MKLN1: variants seen among roughly 807,000 people sequenced by gnomAD.
MKLN1 encodes muskelin.
Under a neutral mutation model 99.0 loss-of-function variants are expected in MKLN1, and 18 were observed. That is an observed-to-expected ratio of 0.18 (90% CI 0.13 to 0.27). The LOEUF is 0.27. Among genes scored for constraint, MKLN1 ranks in the 10% least tolerant of loss-of-function variants. The pLI is 1.00. For synonymous variants in MKLN1, 288 were observed against 293.2 expected (o/e 0.98, Z 0.18); for missense variants, 621 against 875.9 (o/e 0.71, Z 3.67).
intron 2 of MKLN1, among the ~76,000 whole-genome samples, chr7:131,197,768 A>C (rs1479604270): frequency 2.0e-5 from 3 of 152,118 alleles, no homozygotes; most frequent in South Asian, 4.1e-4. Context: ...TAATAGTATA[A>C]CCACAATGCC....
chr7:131,377,814 C>T (rs879509086), intron 2 of MKLN1, among the ~76,000 whole-genome samples: 3 of 152,094 alleles, frequency 2.0e-5, no homozygotes, highest in Non-Finnish European at 2.9e-5. Context: ...TCTTGATGAG[C>T]GACGGGTATT....
chr7:131,126,928 G>A (rs1446243829), intron 1 of MKLN1, among the ~76,000 whole-genome samples: 2 of 152,140 alleles, frequency 1.3e-5, no homozygotes, highest in African/African-American at 2.4e-5. Context: ...CACTTTGGGA[G>A]GCTGAGGTGG....
At chr7:131,161,938 C>G (rs1796055974) in intron 2 of MKLN1, among the ~76,000 whole-genome samples, 1 of 136,684 alleles carries the variant, frequency 7.3e-6, no homozygotes. Flanking sequence ...TACATATATA[C>G]ACATATATAT....
At chr7:131,454,839 G>A (rs540188358) in intron 12 of MKLN1, among the ~76,000 whole-genome samples, 32 of 152,274 alleles carry the variant, frequency 2.1e-4, no homozygotes, top group African/African-American at 7.5e-4. Flanking sequence ...CTCTATATAA[G>A]GATGTGATGC....
intron 1 of MKLN1, 104 bp downstream of exon 1, chr7:131,328,101 C>T (rs2116682243): frequency 1.2e-5 from 17 of 1,399,794 alleles, no homozygotes; most frequent in East Asian, 2.5e-5. Flanking sequence ...CCAGGCGGGG[C>T]CTGCTGAGGG....
chr7:131,242,817 A>G, intron 3 of MKLN1: 1 of 664,890 alleles, frequency 1.5e-6, no homozygotes, highest in Non-Finnish European at 2.9e-6. Flanking sequence ...GAAAGTTTAT[A>G]ACCACAATCA....
intron 3 of MKLN1, among the ~76,000 whole-genome samples, chr7:131,217,327 A>G (rs1796997408): frequency 6.6e-6 from 1 of 152,266 alleles, no homozygotes; most frequent in African/African-American, 2.4e-5. Flanking sequence ...AAATGGGGAT[A>G]CAAAGATAAA....
intron 16 of MKLN1, among the ~76,000 whole-genome samples, chr7:131,472,903 G>A (rs113654391): frequency 0.071 from 10,369 of 146,558 alleles, 418 homozygotes; most frequent in African/African-American, 0.08. Flanking sequence ...AGCTGAGATC[G>A]TGCCACTGCA....
At position 131,340,817 on chromosome 7, in the gene MKLN1, T is replaced by A. The variant is rs138700525; in HGVS notation, c.98+12820T>A. 6.2e-4 allele frequency among the ~76,000 whole-genome samples: 94 copies of A among 152,284 alleles called. 1 individual carries two copies. Among genetic ancestry groups the A allele is most frequent in the Non-Finnish European group, 2.9e-5 (2 of 68,010 alleles). ...ACTGGCCATATTCAGAATGTCACAT[T>A]AGTGTTTTAAGTCCATTCTGTATTT... On this transcript the variant is annotated intron_variant, in intron 1 of 17. Transcript: ENST00000352689.
intron 1 of MKLN1, among the ~76,000 whole-genome samples, chr7:131,354,813 T>A (rs1156780931): frequency 6.6e-6 from 1 of 152,228 alleles, no homozygotes; most frequent in East Asian, 1.9e-4. Context: ...TAAATGGCTG[T>A]ACATCATTTA....
At chr7:131,322,550 C>T (rs999501377) in intron 3 of MKLN1, among the ~76,000 whole-genome samples, 4 of 147,864 alleles carry the variant, frequency 2.7e-5, no homozygotes, top group African/African-American at 9.9e-5. Flanking sequence ...AAGGGAACTG[C>T]CAAACACTTT....
At chr7:131,182,331 A>G (rs1034185943) in intron 2 of MKLN1, among the ~76,000 whole-genome samples, 2 of 152,232 alleles carry the variant, frequency 1.3e-5, no homozygotes, top group Non-Finnish European at 2.9e-5. Context: ...GAAAAGCTTC[A>G]GTAAGAGAAG....
chr7:131,474,306 C>T (rs1220347852), intron 16 of MKLN1, among the ~76,000 whole-genome samples: 2 of 152,182 alleles, frequency 1.3e-5, no homozygotes, highest in Non-Finnish European at 2.9e-5. Context: ...GATGGAGTTA[C>T]TATCAACTGA....
At position 131,132,689 on chromosome 7, in the gene MKLN1, C is replaced by T. The variant is rs554688949; in HGVS notation, c.-418-10131C>T. Among the ~76,000 whole-genome samples, 29 of 151,928 alleles carry T rather than the reference C, an allele frequency of 1.9e-4. 1 individual carries two copies. Among genetic ancestry groups the T allele is most frequent in the Admixed American group, 1.4e-3 (22 of 15,244 alleles). Reference sequence around the variant, plus strand: ...CCTGTAATCCAGCACTTTGGGAGGCCGAGGCCGGTGGATCACAAGGTCAGG... The same window carrying T: ...CCTGTAATCCAGCACTTTGGGAGGCTGAGGCCGGTGGATCACAAGGTCAGG... On this transcript the variant is annotated intron_variant, in intron 1 of 7. Transcript: ENST00000416992.
chr7:131,279,287 T>C (rs1798016909), intron 3 of MKLN1, among the ~76,000 whole-genome samples: 1 of 152,214 alleles, frequency 6.6e-6, no homozygotes, highest in South Asian at 2.1e-4. Context: ...CAACACTGGA[T>C]AAGAGATTCA....
Position 131,116,077 on chromosome 7 carries a change from G to A in MKLN1, c.-419+5870G>A, listed in dbSNP as rs367609808. Among the ~76,000 whole-genome samples, 12 of 152,072 alleles carry A rather than the reference G, an allele frequency of 7.9e-5. No individual in the cohort carries two copies. The South Asian group carries it at 1.2e-3, about 16-fold the overall frequency. On this transcript the variant is annotated intron_variant, in intron 1 of 7. Coordinates refer to the MKLN1 transcript ENST00000416992. The stretch of plus-strand genomic sequence containing the variant: ...TCCCAGCACTTTGGGATGCCGAGGC[G>A]GGCAGATCACGAGGTCAGGAGATCG...
chr7:131,137,338 A>G (rs1795663852), intron 1 of MKLN1, among the ~76,000 whole-genome samples: 3 of 152,204 alleles, frequency 2.0e-5, no homozygotes, highest in African/African-American at 7.2e-5. Context: ...GACTTTACAT[A>G]TATGCAGAAT....
chr7:131,404,883 C>T (rs761133806), intron 6 of MKLN1, among the ~76,000 whole-genome samples: 4 of 151,990 alleles, frequency 2.6e-5, no homozygotes, highest in Admixed American at 6.6e-5. Flanking sequence ...AGTTGTGAGC[C>T]GCCACCCTCA....
chr7:131,173,253 A>C (rs1796242912), intron 2 of MKLN1, among the ~76,000 whole-genome samples: 1 of 152,144 alleles, frequency 6.6e-6, no homozygotes, highest in East Asian at 1.9e-4. Context: ...CTTGAAGGAA[A>C]TATTAAATCT....
Sources: allele counts gnomAD v4.1 joint callset (sites outside exome capture counted in the v4.1 genomes callset), GRCh38; gene constraint gnomAD v4.1.1; transcripts MANE v1.5; gene names NCBI Gene and HGNC (gene_info 2026-07-23, HGNC 2026-07-21).